PANK1: variants seen among roughly 807,000 people sequenced by gnomAD.
PANK1 encodes the protein pantothenic acid kinase 1.
A neutral mutation model predicts 40.1 loss-of-function variants in PANK1; 18 were observed. That is an observed-to-expected ratio of 0.45 (90% CI 0.31 to 0.67). The LOEUF is 0.67. PANK1 is among the 30% of genes least tolerant of loss of function. The pLI is 0.06. For synonymous variants in PANK1, 242 were observed against 237.7 expected (o/e 1.02, Z -0.17); for missense variants, 457 against 599.6 (o/e 0.76, Z 2.48).
chr10:89,638,312 G>A (rs1405212041), intron 1 of PANK1, among the ~76,000 whole-genome samples: 1 of 152,244 alleles, frequency 6.6e-6, no homozygotes, highest in Non-Finnish European at 1.5e-5. Context: ...CCGAGGTCAT[G>A]GCACCCTGTG....
chr10:89,638,176 T>C (rs942442625), intron 1 of PANK1, among the ~76,000 whole-genome samples: 1 of 152,254 alleles, frequency 6.6e-6, no homozygotes. Flanking sequence ...TGATGTTCAA[T>C]GGTTATGATA....
At chr10:89,587,822 T>C (rs1364011937) in intron 6 of PANK1, among the ~76,000 whole-genome samples, 1 of 152,234 alleles carries the variant, frequency 6.6e-6, no homozygotes, top group Non-Finnish European at 1.5e-5. Flanking sequence ...TGACAACTTA[T>C]AATCGTATAT....
intron 1 of PANK1, among the ~76,000 whole-genome samples, chr10:89,627,834 C>A (rs1841519190): frequency 6.6e-6 from 1 of 152,102 alleles, no homozygotes; most frequent in Non-Finnish European, 1.5e-5. Context: ...CTTATAATTT[C>A]ACTAGATATG....
intron 3 of PANK1, among the ~76,000 whole-genome samples, chr10:89,596,840 T>C (rs554701173): frequency 8.5e-5 from 13 of 152,164 alleles, no homozygotes; most frequent in Non-Finnish European, 1.9e-4. Context: ...GTACTGCTAC[T>C]TTCACCAAAG....
chr10:89,634,118 A>G (rs187295215), intron 1 of PANK1, among the ~76,000 whole-genome samples: 4 of 152,240 alleles, frequency 2.6e-5, no homozygotes, highest in East Asian at 1.9e-4. Context: ...TTGAGTTAGT[A>G]TAAGGAAGAA....
At position 89,611,679 on chromosome 10, in the gene PANK1, A is replaced by G; in HGVS notation, c.645+17T>C. ...GTGAGAGGTTTTGATGTTTTAACAAAGACAAACCCGACCTACCATTCTGAA... is the reference window on the plus strand; with the variant it reads ...GTGAGAGGTTTTGATGTTTTAACAAGGACAAACCCGACCTACCATTCTGAA... On this transcript the variant is annotated intron_variant, in intron 2 of 6. Transcript: ENST00000307534. 6.4e-7 allele frequency: 1 copy of G among 1,566,506 alleles called. No homozygotes were observed. Among genetic ancestry groups the G allele is most frequent in the Non-Finnish European group, 8.7e-7 (1 of 1,148,948 alleles).
chr10:89,643,902 GTACAT>G (rs1842034798), intron 1 of PANK1: 14 of 1,387,190 alleles, frequency 1.0e-5, no homozygotes, highest in Non-Finnish European at 1.3e-5. Context: ...TTTCTCCGGT[GTACAT>G]TACAATTACA....
intron 5 of PANK1, 100 bp from the exon 6 acceptor site, chr10:89,588,877 T>C: frequency 1.4e-6 from 1 of 729,168 alleles, no homozygotes; most frequent in African/African-American, 1.8e-5. Flanking sequence ...CCTTGAAGAG[T>C]GAATATTCCT....
intron 1 of PANK1, chr10:89,643,807 T>C: frequency 5.0e-6 from 8 of 1,603,658 alleles, no homozygotes; most frequent in Non-Finnish European, 6.0e-6. Flanking sequence ...CAAATTTACA[T>C]CCCACAGCGT....
At chr10:89,590,320 T>C (rs181759928) in intron 5 of PANK1, among the ~76,000 whole-genome samples, 33 of 152,142 alleles carry the variant, frequency 2.2e-4, no homozygotes, top group African/African-American at 7.5e-4. Flanking sequence ...AACAACCCAA[T>C]AGAGTAATGA....
chr10:89,634,660 C>T (rs1841750909), intron 1 of PANK1, among the ~76,000 whole-genome samples: 1 of 152,136 alleles, frequency 6.6e-6, no homozygotes, highest in Admixed American at 6.5e-5. Context: ...ACTCACTTTT[C>T]TCATCCTTCT....
intron 1 of PANK1, among the ~76,000 whole-genome samples, chr10:89,630,499 G>GT (rs34631109): frequency 3.2e-3 from 224 of 71,108 alleles, no homozygotes; most frequent in South Asian, 8.7e-3. Flanking sequence ...CAGTTTTTTT[G>GT]TTTTTTTTTT....
In PANK1 at chr10:89,593,306, A is replaced by G. The variant is rs1438240531; in HGVS notation, c.1091T>C (p.Met364Thr). 6.2e-7 allele frequency: 1 copy of G among 1,613,680 alleles called. No individual in the cohort carries two copies. Reference sequence around the variant, plus strand: ...GATGGAATCTCGCTTTTCTTTACTCATCATGTTGCCAAAGCTATGTTGGAA... The same window carrying G: ...GATGGAATCTCGCTTTTCTTTACTCGTCATGTTGCCAAAGCTATGTTGGAA... ...SAVASSFGNM[M>T]SKEKRDSISK... Residue 364 changes from methionine (M) to threonine (T), a missense_variant, in exon 5 of 7, where the codon ATG (methionine) becomes ACG (threonine). Transcript: ENST00000307534.
At chr10:89,640,242 C>T (rs887219563) in intron 1 of PANK1, among the ~76,000 whole-genome samples, 4 of 152,188 alleles carry the variant, frequency 2.6e-5, no homozygotes, top group Non-Finnish European at 5.9e-5. Flanking sequence ...TAAATCGAAG[C>T]TACTGTCATG....
intron 3 of PANK1, among the ~76,000 whole-genome samples, chr10:89,596,362 G>C (rs758151629): frequency 3.9e-5 from 6 of 152,184 alleles, no homozygotes; most frequent in Non-Finnish European, 7.3e-5. Context: ...GGCTAACTTA[G>C]AAAGAAGGTA....
chr10:89,622,578 G>C (rs1845521283), intron 1 of PANK1, among the ~76,000 whole-genome samples: 1 of 152,198 alleles, frequency 6.6e-6, no homozygotes, highest in Non-Finnish European at 1.5e-5. Context: ...GCTCATGCCT[G>C]TAATCCCAGC....
intron 1 of PANK1, among the ~76,000 whole-genome samples, chr10:89,622,968 C>A (rs1845540223): frequency 1.3e-5 from 2 of 151,886 alleles, no homozygotes; most frequent in Non-Finnish European, 2.9e-5. Context: ...TTAATTTAAC[C>A]ATTAAAATCA....
chr10:89,616,472 A>G (rs963672713), intron 1 of PANK1, among the ~76,000 whole-genome samples: 1 of 152,222 alleles, frequency 6.6e-6, no homozygotes, highest in African/African-American at 2.4e-5. Context: ...TATGCCTCAA[A>G]AGGCATTTTA....
intron 1 of PANK1, among the ~76,000 whole-genome samples, chr10:89,634,133 T>C (rs778801407): frequency 1.5e-4 from 23 of 152,206 alleles, no homozygotes; most frequent in Non-Finnish European, 3.2e-4. Context: ...GAAGAACATC[T>C]AACACCACCA....
Sources: allele counts gnomAD v4.1 joint callset (sites outside exome capture counted in the v4.1 genomes callset), GRCh38; gene constraint gnomAD v4.1.1; transcripts MANE v1.5; gene names NCBI Gene and HGNC (gene_info 2026-07-23, HGNC 2026-07-21).